The following DCHS2 variants were observed in gnomAD, a reference collection of about 807,000 sequenced individuals.
The protein encoded by DCHS2 is dachsous cadherin-related 2.
A neutral mutation model predicts 182.4 loss-of-function variants in DCHS2; 142 were observed. That is an observed-to-expected ratio of 0.78 (90% CI 0.68 to 0.89). The LOEUF (loss-of-function observed/expected upper bound fraction) is 0.89, where lower values mean the gene tolerates loss of function less well. Ranked by LOEUF, DCHS2 falls within the 40% of genes least tolerant of loss-of-function variation. DCHS2 has a pLI of 0.00. For synonymous variants in DCHS2, 1,740 were observed against 1,663.3 expected, an observed-to-expected ratio of 1.05 and a Z score of -1.12; for missense variants, 4,319 against 4,198.6, an observed-to-expected ratio of 1.03 and a Z score of -0.79.
At chr4:154,439,416 C>G (rs1733907082) in intron 1 of DCHS2, among the ~76,000 whole-genome samples, 2 of 116,108 alleles carry the variant, frequency 1.7e-5, no homozygotes, top group South Asian at 5.4e-4. Context: ...TAATTTTTGG[C>G]AATTTGCCAA....
intron 1 of DCHS2, among the ~76,000 whole-genome samples, chr4:154,451,647 A>C (rs1343150801): frequency 3.9e-5 from 6 of 152,184 alleles, no homozygotes; most frequent in Non-Finnish European, 8.8e-5. Flanking sequence ...CGGCTGCAGC[A>C]CTATAGCCCA....
At chr4:154,262,460 A>G (rs1442130121) in intron 14 of DCHS2, among the ~76,000 whole-genome samples, 1 of 152,206 alleles carries the variant, frequency 6.6e-6, no homozygotes, top group East Asian at 1.9e-4. Context: ...AGAAACTAAC[A>G]CCTTCCTTAG....
chr4:154,373,958 G>C, intron 2 of DCHS2: 1 of 1,486,568 alleles, frequency 6.7e-7, no homozygotes. Context: ...TGCTCATCCT[G>C]AAAACAATGA....
rs1476412149 is a variant in DCHS2 at position 154,486,501 on chromosome 4, G to C, written c.2052+2803C>G. ...TTGTTTTTGTTTGATTTTGACAAAG[G>C]CAACTTGAGCAGATATAAGCTGTAA... On this transcript the variant is annotated intron_variant, in intron 1 of 19. Coordinates refer to ENST00000357232, the MANE Select transcript of DCHS2 (RefSeq NM_001358235.2). The C allele has an allele frequency of 6.9e-6, 9 of 1,304,578 alleles. No homozygotes were observed. The Admixed American group carries it at 2.1e-4, about 30-fold the overall frequency. The allele number at this position is 1,304,578 out of a possible 1,614,324, so 80.8% of individuals were successfully genotyped here.
intron 14 of DCHS2, chr4:154,261,707 C>T (rs1329845331): frequency 6.6e-6 from 1 of 152,026 alleles, no homozygotes; most frequent in Non-Finnish European, 1.5e-5. Context: ...TATATATTAA[C>T]TCACTATACT....
chr4:154,270,523 G>T (rs1733539417), intron 13 of DCHS2, among the ~76,000 whole-genome samples: 1 of 151,976 alleles, frequency 6.6e-6, no homozygotes, highest in Non-Finnish European at 1.5e-5. Context: ...AGAAGAAGGT[G>T]GAGATGGCAG....
intron 1 of DCHS2, among the ~76,000 whole-genome samples, chr4:154,390,295 G>A (rs1326571061): frequency 8.3e-6 from 1 of 120,212 alleles, no homozygotes. Context: ...TCCCCAGAGT[G>A]TGATGTTCCC....
At chr4:154,389,074 C>T (rs543353741) in intron 1 of DCHS2, among the ~76,000 whole-genome samples, 1 of 152,270 alleles carries the variant, frequency 6.6e-6, no homozygotes, top group Non-Finnish European at 1.5e-5. Context: ...GTTACAACTA[C>T]TCAACTCTGC....
intron 1 of DCHS2, among the ~76,000 whole-genome samples, chr4:154,454,573 G>T (rs564186852): frequency 3.3e-5 from 5 of 151,956 alleles, no homozygotes; most frequent in Non-Finnish European, 7.4e-5. Flanking sequence ...ATTTTGTTTC[G>T]ATAGCACCCT....
At chr4:154,395,935 T>C (rs567881897) in intron 1 of DCHS2, among the ~76,000 whole-genome samples, 31 of 152,350 alleles carry the variant, frequency 2.0e-4, no homozygotes, top group Admixed American at 5.2e-4. Flanking sequence ...TTCAATGTGC[T>C]TTCATTTGAC....
chr4:154,312,061 A>G (rs1025939734), intron 10 of DCHS2, among the ~76,000 whole-genome samples: 1 of 152,146 alleles, frequency 6.6e-6, no homozygotes, highest in Non-Finnish European at 1.5e-5. Flanking sequence ...ACATAACAGC[A>G]CTAAGGGATT....
intron 12 of DCHS2, among the ~76,000 whole-genome samples, chr4:154,299,888 A>G (rs1735129424): frequency 6.6e-6 from 1 of 152,234 alleles, no homozygotes; most frequent in Non-Finnish European, 1.5e-5. Context: ...TCATATGTAC[A>G]GAGTGCTAAA....
chr4:154,385,946 G>C (rs1299555933), intron 1 of DCHS2, among the ~76,000 whole-genome samples: 2 of 151,990 alleles, frequency 1.3e-5, no homozygotes, highest in African/African-American at 4.8e-5. Flanking sequence ...CTGGGCTCCA[G>C]ACTCTGCATC....
chr4:154,490,662 G>C lies in DCHS2; in HGVS notation c.694C>G (p.Pro232Ala), dbSNP rs1728788069. Reference sequence around the variant, plus strand: ...GAGGAGCCTGGCAAAAGCGGTGACGGTAGTGGCCCCGGAGTCCGGTAGCGC... The same window carrying C: ...GAGGAGCCTGGCAAAAGCGGTGACGCTAGTGGCCCCGGAGTCCGGTAGCGC... Reference protein sequence around the residue: ...QLRYRTPGPLPSPLLPGSSSP... With the variant: ...QLRYRTPGPLASPLLPGSSSP... The change falls in exon 1 of 20, where the codon CCG becomes GCG. Residue 232 changes from proline to alanine, a missense_variant. Transcript: ENST00000357232. 6.4e-7 allele frequency: 1 copy of C among 1,551,370 alleles called. No individual in the cohort carries two copies. Among genetic ancestry groups the C allele is most frequent in the Non-Finnish European group, 8.7e-7 (1 of 1,146,918 alleles).
At chr4:154,342,357 A>G (rs1262743775) in intron 3 of DCHS2, among the ~76,000 whole-genome samples, 2 of 152,184 alleles carry the variant, frequency 1.3e-5, no homozygotes, top group Admixed American at 6.5e-5. Flanking sequence ...GCAATTTCTT[A>G]AAATAAGACA....
rs924240344 is a variant in DCHS2 at position 154,242,908 on chromosome 4, T to C, written c.6942-136A>G. ...TTATTTTTCTCTTGGATTTTCTAAA[T>C]GGCATCATTTAAAATGTATTTCATA... On this transcript the variant is annotated intron_variant, in intron 16 of 19. Transcript: ENST00000357232. 74 of 1,298,962 alleles carry C rather than the reference T, an allele frequency of 5.7e-5. No homozygotes were observed. The African/African-American group carries it at 9.9e-4, about 17-fold the overall frequency. The allele number at this position is 1,298,962 out of a possible 1,614,324, so 80.5% of individuals were successfully genotyped here.
At chr4:154,251,644 G>A (rs919693574) in intron 16 of DCHS2, among the ~76,000 whole-genome samples, 3 of 152,084 alleles carry the variant, frequency 2.0e-5, no homozygotes, top group South Asian at 4.2e-4. Context: ...TCAGCCTCCC[G>A]AGTAGCTGGG....
intron 1 of DCHS2, among the ~76,000 whole-genome samples, chr4:154,420,246 C>CAGACAGACAGACAGAT (rs1553950394): frequency 9.0e-4 from 131 of 144,848 alleles, no homozygotes; most frequent in Middle Eastern, 3.4e-3. Context: ...GACAGACAGA[C>CAGACAGACAGACAGAT]AGATAGATAG....
intron 7 of DCHS2, among the ~76,000 whole-genome samples, chr4:154,327,431 T>G (rs1736325379): frequency 6.6e-6 from 1 of 152,274 alleles, no homozygotes; most frequent in South Asian, 2.1e-4. Flanking sequence ...ATCTCTTGGG[T>G]TTTCCATGCA....
Sources: gnomAD v4.1 joint callset for allele counts (sites outside exome capture counted in the v4.1 genomes callset) on GRCh38, gnomAD v4.1.1 for gene constraint, MANE v1.5 for transcripts, NCBI Gene and HGNC (gene_info 2026-07-23, HGNC 2026-07-21) for gene names.